The following ANK3 variants were observed in gnomAD, a reference collection of about 807,000 sequenced individuals.
ANK3 encodes ankyrin 3.
A neutral mutation model predicts 370.9 loss-of-function variants in ANK3; 57 were observed. The ratio of observed to expected loss-of-function variants is 0.15; its 90% CI spans 0.12 to 0.19. ANK3 has a LOEUF of 0.19. ANK3 is among the 10% of genes least tolerant of loss of function. The pLI, the probability that ANK3 is intolerant of heterozygous loss-of-function variation, is 1.00. For missense variants in ANK3, 4,439 were observed against 5,302.1 expected (o/e 0.84, Z 5.06); for synonymous variants, 1,929 against 1,946.3 (o/e 0.99, Z 0.23).
At chr10:60,395,586 TTCTTTCTTTCTTTCTTTCTTTCTC>T (rs1567004420) in intron 2 of ANK3, among the ~76,000 whole-genome samples, 9 of 125,416 alleles carry the variant, frequency 7.2e-5, no homozygotes, top group Non-Finnish European at 1.3e-4. Context: ...CTTTCTTTCT[TTCTTTCTTTCTTTCTTTCTTTCTC>T]TCTTTCGTTC....
At chr10:60,466,974 G>A (rs1277098300) in intron 2 of ANK3, among the ~76,000 whole-genome samples, 2 of 152,072 alleles carry the variant, frequency 1.3e-5, no homozygotes, top group African/African-American at 4.8e-5. Flanking sequence ...TTTGGGGGAT[G>A]AAAAAGCTCT....
intron 1 of ANK3, among the ~76,000 whole-genome samples, chr10:60,732,561 TAAATCCACC>T (rs1365041646): frequency 6.6e-6 from 1 of 152,074 alleles, no homozygotes; most frequent in Non-Finnish European, 1.5e-5. Context: ...GAAGAGAAGG[TAAATCCACC>T]AAAGCCACCC....
At chr10:60,311,147 C>T (rs867926162) in intron 1 of ANK3, among the ~76,000 whole-genome samples, 4 of 152,148 alleles carry the variant, frequency 2.6e-5, no homozygotes, top group Admixed American at 2.6e-4. Context: ...GTGGAAGTGT[C>T]CCTCTGCCTG....
In ANK3 at chr10:60,542,888, G is replaced by A. The variant is rs181128784; in HGVS notation, c.96+72298C>T. ...ATGATGTTTAAAGCTGTGGGAGCCA[G>A]AAAAATGTACAGCAACAACACTAAG... On this transcript the variant is annotated intron_variant, in intron 2 of 43. Transcript: ENST00000373827. Among the ~76,000 whole-genome samples, 229 of 151,992 alleles carry A rather than the reference G, an allele frequency of 1.5e-3. 3 individuals are homozygous for A. The Middle Eastern group carries it at 0.017, about 11-fold the overall frequency.
intron 16 of ANK3, among the ~76,000 whole-genome samples, chr10:60,188,814 C>A (rs1312826731): frequency 6.6e-6 from 1 of 152,114 alleles, no homozygotes; most frequent in South Asian, 2.1e-4. Context: ...CCCCAGCTGC[C>A]CTGAGAAGCA....
intron 1 of ANK3, among the ~76,000 whole-genome samples, chr10:60,354,423 C>T (rs1035244829): frequency 1.6e-4 from 24 of 152,208 alleles, no homozygotes; most frequent in African/African-American, 5.3e-4. Flanking sequence ...CTGCTTGAAA[C>T]GCTGTCTTCA....
chr10:60,578,717 T>C (rs1011025955), intron 2 of ANK3, among the ~76,000 whole-genome samples: 1 of 152,146 alleles, frequency 6.6e-6, no homozygotes, highest in African/African-American at 2.4e-5. Flanking sequence ...TATTATCAAA[T>C]ATCCATCCAA....
intron 2 of ANK3, among the ~76,000 whole-genome samples, chr10:60,605,040 C>A (rs2078110972): frequency 6.6e-6 from 1 of 152,156 alleles, no homozygotes; most frequent in Non-Finnish European, 1.5e-5. Flanking sequence ...AGAGCTTAAT[C>A]TTTTAGTATA....
chr10:60,686,781 A>T (rs2079273771), intron 1 of ANK3, among the ~76,000 whole-genome samples: 1 of 152,166 alleles, frequency 6.6e-6, no homozygotes, highest in Non-Finnish European at 1.5e-5. Flanking sequence ...ATTATGTTAC[A>T]GATGTAACAA....
At chr10:60,331,494 G>A (rs1475827627) in intron 1 of ANK3, among the ~76,000 whole-genome samples, 1 of 151,322 alleles carries the variant, frequency 6.6e-6, no homozygotes, top group Non-Finnish European at 1.5e-5. Flanking sequence ...TTCGACAATG[G>A]GATTGATTAA....
intron 2 of ANK3, among the ~76,000 whole-genome samples, chr10:60,548,622 T>TA (rs1331048591): frequency 1.3e-5 from 2 of 152,148 alleles, no homozygotes; most frequent in African/African-American, 2.4e-5. Context: ...ATTCCTCACT[T>TA]ACAGACTTAA....
intron 1 of ANK3, among the ~76,000 whole-genome samples, chr10:60,640,038 A>G (rs965310372): frequency 6.6e-6 from 1 of 152,108 alleles, no homozygotes; most frequent in Non-Finnish European, 1.5e-5. Context: ...ATACTAACAA[A>G]GACAAAAAAA....
chr10:60,083,624 G>A lies in ANK3; in HGVS notation c.4075-7C>T. Reference sequence around the variant, plus strand: ...TAGGTTTTCCTTCCAGAACCTTTTAGAGTAAAAGAAATAAACAATTTAATG... The same window carrying A: ...TAGGTTTTCCTTCCAGAACCTTTTAAAGTAAAAGAAATAAACAATTTAATG... On this transcript the variant is annotated splice_region_variant and splice_polypyrimidine_tract_variant and intron_variant, in intron 32 of 43. Coordinates refer to ENST00000280772, the MANE Select transcript of ANK3 (RefSeq NM_020987.5). 1.9e-6 allele frequency: 3 copies of A among 1,576,626 alleles called. No individual in the cohort carries two copies. Among genetic ancestry groups the A allele is most frequent in the Non-Finnish European group, 2.6e-6 (3 of 1,163,388 alleles).
At position 60,055,942 on chromosome 10, in the gene ANK3, C is replaced by A; in HGVS notation, c.12781G>T (p.Ala4261Ser). The A allele has an allele frequency of 6.2e-7, 1 of 1,614,090 alleles. No individual in the cohort carries two copies. Among genetic ancestry groups the A allele is most frequent in the Non-Finnish European group, 8.5e-7 (1 of 1,180,010 alleles). The change falls in exon 42 of 44, where the codon GCA (alanine) becomes TCA (serine). Residue 4261 changes from alanine (A) to serine (S), a missense_variant. Physicochemically the swap from Ala to Ser is moderately conservative, Grantham distance 99. This residue lies in a region of ANK3 where 242 missense variants were observed against 228.0 expected (regional missense o/e 1.06). Coordinates refer to ENST00000280772, the MANE Select transcript of ANK3 (RefSeq NM_020987.5). ...TCTGGAAAGTAAGATTTTGTCTTTG[C>A]TTCTGGAGTGATTTCTGTATGGCTT... is the stretch of plus-strand genomic sequence containing the variant. ...NGSHTEITPE[A>S]KTKSYFPESQ...
chr10:60,523,401 C>T (rs1178820439), intron 2 of ANK3, among the ~76,000 whole-genome samples: 1 of 125,528 alleles, frequency 8.0e-6, no homozygotes, highest in African/African-American at 3.0e-5. Context: ...TCCCCCCACC[C>T]CACAACAGTC....
At chr10:60,269,324 T>C (rs1204128113) in intron 5 of ANK3, among the ~76,000 whole-genome samples, 1 of 152,154 alleles carries the variant, frequency 6.6e-6, no homozygotes, top group Non-Finnish European at 1.5e-5. Flanking sequence ...TTTCTTCAAA[T>C]ACCACATCTA....
chr10:60,055,594 C>A, intron 42 of ANK3, 64 bp downstream of exon 42: 1 of 1,514,964 alleles, frequency 6.6e-7, no homozygotes, highest in Non-Finnish European at 8.8e-7. Flanking sequence ...AAGATCAATC[C>A]AAAGAAGTAA....
chr10:60,699,615 A>T (rs887720098), intron 1 of ANK3, among the ~76,000 whole-genome samples: 4 of 151,990 alleles, frequency 2.6e-5, no homozygotes, highest in African/African-American at 9.7e-5. Flanking sequence ...AAGAAGCATA[A>T]TATAATGATC....
chr10:60,436,152 CTA>C (rs1411073900), intron 2 of ANK3, among the ~76,000 whole-genome samples: 1 of 152,126 alleles, frequency 6.6e-6, no homozygotes, highest in African/African-American at 2.4e-5. Context: ...AATCAGTACT[CTA>C]GTCCTTTTAA....
Sources: gnomAD v4.1 joint callset for allele counts (sites outside exome capture counted in the v4.1 genomes callset) on GRCh38, gnomAD v4.1.1 for gene constraint, gnomAD v4.1.1 regional missense constraint, MANE v1.5 for transcripts, NCBI Gene and HGNC (gene_info 2026-07-23, HGNC 2026-07-21) for gene names.